The following PALLD variants were observed in gnomAD, a reference collection of about 807,000 sequenced individuals.
PALLD encodes the protein palladin.
In PALLD, 61 loss-of-function variants were observed where a neutral mutation model predicts 123.5. The ratio of observed to expected loss-of-function variants is 0.49; its 90% CI spans 0.40 to 0.61. The LOEUF is 0.61. Among genes scored for constraint, PALLD ranks in the 20% least tolerant of loss-of-function variants. The pLI is 0.00. For synonymous variants in PALLD, 465 were observed against 496.4 expected (o/e 0.94, Z 0.84); for missense variants, 1,273 against 1,377.0 (o/e 0.92, Z 1.20).
chr4:168,686,238 G>A (rs1291852404), intron 6 of PALLD, among the ~76,000 whole-genome samples: 4 of 151,896 alleles, frequency 2.6e-5, no homozygotes, highest in African/African-American at 9.7e-5. Context: ...TTTAAATTCT[G>A]GGATACACGT....
chr4:168,622,415 C>T (rs1264355516), intron 2 of PALLD, among the ~76,000 whole-genome samples: 4 of 152,162 alleles, frequency 2.6e-5, no homozygotes, highest in Admixed American at 1.3e-4. Flanking sequence ...TCTCACCAGT[C>T]GGCATGATTC....
At chr4:168,743,025 C>T (rs1175200265) in intron 10 of PALLD, among the ~76,000 whole-genome samples, 1 of 152,170 alleles carries the variant, frequency 6.6e-6, no homozygotes, top group Admixed American at 6.5e-5. Flanking sequence ...AAACGCCATT[C>T]TCTGCCTTCC....
intron 10 of PALLD, among the ~76,000 whole-genome samples, chr4:168,838,558 C>T (rs1375489453): frequency 6.6e-6 from 1 of 151,790 alleles, no homozygotes; most frequent in East Asian, 1.9e-4. Context: ...GAAATGTACA[C>T]TCAGGATCTG....
chr4:168,866,098 TA>T (rs11398682), intron 10 of PALLD, among the ~76,000 whole-genome samples: 561 of 138,526 alleles, frequency 4.0e-3, no homozygotes, highest in Middle Eastern at 0.015. Flanking sequence ...CTGTCTCTAC[TA>T]AAAAAAAAAA....
At chr4:168,682,096 A>C (rs983249848) in intron 4 of PALLD, among the ~76,000 whole-genome samples, 5 of 152,188 alleles carry the variant, frequency 3.3e-5, no homozygotes, top group African/African-American at 1.2e-4. Flanking sequence ...TTTGGATACG[A>C]TCTATATTTA....
At chr4:168,606,345 C>A in intron 2 of PALLD, among the ~76,000 whole-genome samples, 1 of 152,244 alleles carries the variant, frequency 6.6e-6, no homozygotes. Flanking sequence ...ACTTGCCCCG[C>A]GTCAGCTGGA....
chr4:168,564,701 T>C (rs1390845586), intron 2 of PALLD, among the ~76,000 whole-genome samples: 1 of 152,242 alleles, frequency 6.6e-6, no homozygotes, highest in East Asian at 1.9e-4. Context: ...TACTATTATA[T>C]ATGCACAAAA....
chr4:168,600,178 C>A (rs1399958942), intron 2 of PALLD, among the ~76,000 whole-genome samples: 1 of 151,904 alleles, frequency 6.6e-6, no homozygotes, highest in Non-Finnish European at 1.5e-5. Context: ...TGTGTGTATA[C>A]ATATATAAAC....
chr4:168,834,382 A>G (rs1014057367), intron 10 of PALLD, among the ~76,000 whole-genome samples: 1 of 152,140 alleles, frequency 6.6e-6, no homozygotes, highest in African/African-American at 2.4e-5. Flanking sequence ...TAGTAGCCTT[A>G]GTGTTGCTTC....
At chr4:168,810,698 C>T (rs1348609485) in intron 10 of PALLD, among the ~76,000 whole-genome samples, 3 of 149,570 alleles carry the variant, frequency 2.0e-5, no homozygotes, top group Non-Finnish European at 4.5e-5. Flanking sequence ...GTCCCAGCTA[C>T]TCGGGAGGCT....
intron 2 of PALLD, among the ~76,000 whole-genome samples, chr4:168,569,322 G>A (rs879668320): frequency 4.6e-5 from 7 of 152,090 alleles, no homozygotes; most frequent in Non-Finnish European, 7.4e-5. Flanking sequence ...TTTTCAATAC[G>A]AGTAGTGTTA....
intron 2 of PALLD, among the ~76,000 whole-genome samples, chr4:168,626,258 C>T (rs899220388): frequency 7.2e-5 from 11 of 151,872 alleles, no homozygotes; most frequent in South Asian, 2.1e-4. Context: ...AGAAATTAGG[C>T]GGGCGTGGTG....
intron 2 of PALLD, among the ~76,000 whole-genome samples, chr4:168,656,993 T>G (rs2149952374): frequency 6.6e-6 from 1 of 152,334 alleles, no homozygotes; most frequent in African/African-American, 2.4e-5. Flanking sequence ...GATATAGGGC[T>G]TGCCGTATTA....
intron 2 of PALLD, among the ~76,000 whole-genome samples, chr4:168,592,248 A>G (rs1771514856): frequency 6.6e-6 from 1 of 151,576 alleles, no homozygotes; most frequent in Admixed American, 6.6e-5. Context: ...CTCGTGTCGA[A>G]CTCCAGACCT....
At chr4:168,770,234 G>A (rs891519744) in intron 10 of PALLD, among the ~76,000 whole-genome samples, 3 of 152,228 alleles carry the variant, frequency 2.0e-5, no homozygotes, top group Non-Finnish European at 4.4e-5. Flanking sequence ...GAGTACTTAA[G>A]CTTAGTTAAA....
At chr4:168,825,985 CTATATA>C (rs1181210999) in intron 10 of PALLD, among the ~76,000 whole-genome samples, 1 of 152,150 alleles carries the variant, frequency 6.6e-6, no homozygotes, top group Non-Finnish European at 1.5e-5. Context: ...TTATCCATCA[CTATATA>C]TATAAGATAC....
intron 2 of PALLD, among the ~76,000 whole-genome samples, chr4:168,553,124 A>C (rs1316683446): frequency 6.6e-6 from 1 of 152,138 alleles, no homozygotes; most frequent in Non-Finnish European, 1.5e-5. Context: ...AGTCTCAGAG[A>C]TATTAGGTAA....
At chr4:168,542,132 C>T (rs890149273) in intron 2 of PALLD, among the ~76,000 whole-genome samples, 3 of 152,170 alleles carry the variant, frequency 2.0e-5, no homozygotes, top group African/African-American at 7.2e-5. Context: ...CCACGTTTTG[C>T]AAGTGAGAAA....
intron 10 of PALLD, among the ~76,000 whole-genome samples, chr4:168,828,716 T>G (rs936105625): frequency 6.6e-6 from 1 of 152,260 alleles, no homozygotes; most frequent in African/African-American, 2.4e-5. Flanking sequence ...CTTGGCGAAT[T>G]GAGCCCAATG....
Sources: gnomAD v4.1 joint callset for allele counts (sites outside exome capture counted in the v4.1 genomes callset) on GRCh38, gnomAD v4.1.1 for gene constraint, MANE v1.5 for transcripts, NCBI Gene and HGNC (gene_info 2026-07-23, HGNC 2026-07-21) for gene names.